FNBP1L: variants seen among roughly 807,000 people sequenced by gnomAD.
The protein encoded by FNBP1L is formin-binding protein 1-like.
In FNBP1L, 36 loss-of-function variants were observed where a neutral mutation model predicts 91.2. The observed-to-expected ratio is 0.39, with a 90% CI of 0.30 to 0.52. The LOEUF is 0.52. Among genes scored for constraint, FNBP1L ranks in the 20% least tolerant of loss-of-function variants. FNBP1L has a pLI of 0.66. For missense variants in FNBP1L, 571 were observed against 732.1 expected, an observed-to-expected ratio of 0.78 and a Z score of 2.54; for synonymous variants, 242 against 237.0, an observed-to-expected ratio of 1.02 and a Z score of -0.19.
Position 93,540,612 on chromosome 1 carries a change from G to A in FNBP1L, c.1150-430G>A, listed in dbSNP as rs868230761. Among the ~76,000 whole-genome samples, 140 of 152,106 alleles carry A rather than the reference G, an allele frequency of 9.2e-4. 1 individual carries two copies. Among genetic ancestry groups the A allele is most frequent in the South Asian group, 3.3e-3 (16 of 4,812 alleles). The stretch of plus-strand genomic sequence containing the variant: ...TAATAGTGTTTTCTTTAACACACTG[G>A]AAAGAACATTCTATTTTTTAATATT... On this transcript the variant is annotated intron_variant, in intron 10 of 16. Coordinates refer to ENST00000271234, the MANE Select transcript of FNBP1L (RefSeq NM_001164473.3).
chr1:93,535,407 CTT>C (rs1182315126), intron 9 of FNBP1L, among the ~76,000 whole-genome samples: 1 of 151,630 alleles, frequency 6.6e-6, no homozygotes, highest in Non-Finnish European at 1.5e-5. Flanking sequence ...GAATCTCACT[CTT>C]AACTTCTTGT....
At chr1:93,470,172 G>T (rs1453302361) in intron 1 of FNBP1L, among the ~76,000 whole-genome samples, 2 of 151,836 alleles carry the variant, frequency 1.3e-5, no homozygotes, top group Non-Finnish European at 2.9e-5. Context: ...TAGCTCTGTT[G>T]CCCAGGCTGG....
At chr1:93,469,355 G>A (rs1485242655) in intron 1 of FNBP1L, among the ~76,000 whole-genome samples, 1 of 151,390 alleles carries the variant, frequency 6.6e-6, no homozygotes, top group Non-Finnish European at 1.5e-5. Context: ...CTGTCCTTGC[G>A]ATAGTTTGCT....
At chr1:93,495,688 G>C (rs1670238785) in intron 1 of FNBP1L, among the ~76,000 whole-genome samples, 1 of 152,020 alleles carries the variant, frequency 6.6e-6, no homozygotes, top group Admixed American at 6.6e-5. Context: ...TACCTACCAG[G>C]TATTTTTGAG....
chr1:93,455,481 G>T (rs899410271), intron 1 of FNBP1L, among the ~76,000 whole-genome samples: 1 of 152,200 alleles, frequency 6.6e-6, no homozygotes, highest in African/African-American at 2.4e-5. Flanking sequence ...GAGCCACTGT[G>T]CCTGGCTCTA....
At position 93,524,283 on chromosome 1, in the gene FNBP1L, C is replaced by T; in HGVS notation, c.365C>T (p.Ala122Val). Residue 122 changes from alanine (A) to valine (V), a missense_variant, in exon 5 of 17, where the codon GCT becomes GTT. By Grantham distance (64) the Ala-to-Val change is moderately conservative (BLOSUM62 0). Around this residue, in one of 5 missense-constraint regions of FNBP1L, gnomAD observed 220 missense variants for 313.6 expected, o/e 0.70. Coordinates refer to ENST00000271234, the MANE Select transcript of FNBP1L (RefSeq NM_001164473.3). ...CAGCATCTGCAAGAAGGACGAAAAGCTCAACAATATCTTGACATGTGCTGG... is the reference window on the plus strand; with the variant it reads ...CAGCATCTGCAAGAAGGACGAAAAGTTCAACAATATCTTGACATGTGCTGG... ...RKMHLQEGRK[A>V]QQYLDMCWKQ... The T allele has an allele frequency of 6.6e-7, 1 of 1,508,250 alleles. No homozygotes were observed. Among genetic ancestry groups the T allele is most frequent in the Non-Finnish European group, 8.9e-7 (1 of 1,126,576 alleles). The allele number at this position is 1,508,250 out of a possible 1,614,324, so 93.4% of individuals were successfully genotyped here. A position where few individuals can be genotyped will look rare whatever the true frequency, so the allele number is the denominator to read the frequency against.
chr1:93,507,099 ACACACACACTCTCTCTCTCT>A (rs1670654919), intron 2 of FNBP1L, among the ~76,000 whole-genome samples: 37 of 66,418 alleles, frequency 5.6e-4, no homozygotes, highest in East Asian at 2.9e-3. Context: ...ACACACACAC[ACACACACACTCTCTCTCTCT>A]CTCTCTCTCT....
chr1:93,499,549 A>T lies in FNBP1L; in HGVS notation c.106A>T (p.Ile36Leu), dbSNP rs1172477338. 6.2e-7 allele frequency: 1 copy of T among 1,601,686 alleles called. No individual in the cohort carries two copies. Among genetic ancestry groups the T allele is most frequent in the Non-Finnish European group, 8.5e-7 (1 of 1,174,210 alleles). The change falls in exon 2 of 17, where the codon ATA becomes TTA. Residue 36 changes from isoleucine (I) to leucine (L), a missense_variant. Physicochemically the swap from Ile to Leu is conservative, Grantham distance 5. Transcript: ENST00000271234. ...ATATGCCAAATTTGTTAAAGAGAGG[A>T]TAGAAATTGAACAGAACTATGCGAA... The part of the protein sequence containing the change: ...ERYAKFVKER[I>L]EIEQNYAKQL...
At chr1:93,534,214 A>G (rs183152267) in intron 8 of FNBP1L, among the ~76,000 whole-genome samples, 3 of 152,132 alleles carry the variant, frequency 2.0e-5, no homozygotes, top group Admixed American at 1.3e-4. Context: ...ATCTTTTCCC[A>G]TGTTGGATGA....
intron 1 of FNBP1L, among the ~76,000 whole-genome samples, chr1:93,498,885 T>C (rs1245426357): frequency 1.3e-5 from 2 of 152,184 alleles, no homozygotes; most frequent in African/African-American, 4.8e-5. Context: ...CAAGGAGCCT[T>C]GTTAGCTTGC....
intron 10 of FNBP1L, among the ~76,000 whole-genome samples, chr1:93,538,848 G>T (rs1671932862): frequency 6.6e-6 from 1 of 151,882 alleles, no homozygotes. Context: ...TAAAAATTAT[G>T]ATTTTTTCTT....
At chr1:93,522,639 G>A (rs1293456524) in intron 3 of FNBP1L, among the ~76,000 whole-genome samples, 2 of 152,060 alleles carry the variant, frequency 1.3e-5, no homozygotes, top group Admixed American at 1.3e-4. Flanking sequence ...GAGGAGACTC[G>A]ACTTAAACAA....
chr1:93,495,994 G>T (rs1427295034), intron 1 of FNBP1L, among the ~76,000 whole-genome samples: 1 of 152,106 alleles, frequency 6.6e-6, no homozygotes. Flanking sequence ...TTAAGAAATT[G>T]ACTCGTGATT....
intron 2 of FNBP1L, among the ~76,000 whole-genome samples, chr1:93,511,331 C>T (rs1254070671): frequency 2.6e-5 from 4 of 152,076 alleles, no homozygotes; most frequent in Non-Finnish European, 5.9e-5. Flanking sequence ...ATTTTCAACC[C>T]AGAATTTCAT....
At chr1:93,512,640 A>G (rs1670900505) in intron 2 of FNBP1L, among the ~76,000 whole-genome samples, 1 of 149,456 alleles carries the variant, frequency 6.7e-6, no homozygotes, top group African/African-American at 2.4e-5. Context: ...GCTCAACTAC[A>G]TGGAAACTGA....
chr1:93,541,600 C>A (rs1366422703), intron 11 of FNBP1L, among the ~76,000 whole-genome samples: 1 of 63,190 alleles, frequency 1.6e-5, no homozygotes, highest in African/African-American at 6.2e-5. Flanking sequence ...TGGGGCGGGG[C>A]GGGGAAGGTG....
Position 93,536,372 on chromosome 1 carries a change from C to G in FNBP1L, c.1031C>G (p.Ser344Cys). 1 of 1,549,982 alleles carries G rather than the reference C, an allele frequency of 6.5e-7. No homozygotes were observed. Among genetic ancestry groups the G allele is most frequent in the Non-Finnish European group, 8.7e-7 (1 of 1,145,922 alleles). ...TTAACCCCTACTAGTTTATTCACAT[C>G]CAGTACTCCTAATGGGTCCCAGTTT... ...PPLTPTSLFT[S>C]STPNGSQFLT... Residue 344 changes from serine to cysteine, a missense_variant, in exon 10 of 17, where the codon TCC (serine) becomes TGC (cysteine). Physicochemically the swap from Ser to Cys is moderately radical, Grantham distance 112. Coordinates refer to ENST00000271234, the MANE Select transcript of FNBP1L (RefSeq NM_001164473.3).
intron 2 of FNBP1L, among the ~76,000 whole-genome samples, chr1:93,515,112 A>G (rs1671037944): frequency 6.6e-6 from 1 of 152,264 alleles, no homozygotes; most frequent in Non-Finnish European, 1.5e-5. Flanking sequence ...AAGGACATTA[A>G]CAGACACTGC....
intron 1 of FNBP1L, among the ~76,000 whole-genome samples, chr1:93,484,804 G>T (rs1669841309): frequency 6.6e-6 from 1 of 152,218 alleles, no homozygotes; most frequent in African/African-American, 2.4e-5. Context: ...GCTCAAGTTT[G>T]AGATGTTGGG....
Sources: gnomAD v4.1 joint callset for allele counts (sites outside exome capture counted in the v4.1 genomes callset) on GRCh38, gnomAD v4.1.1 for gene constraint, gnomAD v4.1.1 regional missense constraint, MANE v1.5 for transcripts, NCBI Gene and HGNC (gene_info 2026-07-23, HGNC 2026-07-21) for gene names.